The following RPS6KC1 variants were observed in gnomAD, a reference collection of about 807,000 sequenced individuals.
RPS6KC1 encodes inactive ribosomal protein S6 kinase delta-1.
A neutral mutation model predicts 103.8 loss-of-function variants in RPS6KC1; 54 were observed. That is an observed-to-expected ratio of 0.52 (90% CI 0.42 to 0.65). The LOEUF (loss-of-function observed/expected upper bound fraction) is 0.65. Among genes scored for constraint, RPS6KC1 ranks in the 30% least tolerant of loss-of-function variants. The probability of loss-of-function intolerance (pLI) is 0.00; values close to 1 mark genes in which losing one functional copy is unlikely to be tolerated. For missense variants in RPS6KC1, 1,151 were observed against 1,253.8 expected (o/e 0.92, Z 1.24); for synonymous variants, 439 against 438.7 (o/e 1.00, Z -0.01).
the RPS6KC1 span, among the ~76,000 whole-genome samples, chr1:213,769,744 C>T: frequency 4.6e-5 from 7 of 152,102 alleles, no homozygotes; most frequent in Non-Finnish European, 7.3e-5. Flanking sequence ...ATGACAGGCA[C>T]TCAGCAGTGC....
the RPS6KC1 span, among the ~76,000 whole-genome samples, chr1:213,712,217 G>A: frequency 6.6e-6 from 1 of 152,240 alleles, no homozygotes; most frequent in Non-Finnish European, 1.5e-5. Context: ...CCTGCCCAGA[G>A]AGGAGGAGTT....
At chr1:213,534,951 C>T in the RPS6KC1 span, among the ~76,000 whole-genome samples, 40 of 152,118 alleles carry the variant, frequency 2.6e-4, no homozygotes, top group Non-Finnish European at 4.4e-4. Context: ...GTTAATCCTA[C>T]GATTAAGTTC....
At chr1:213,266,283 A>G (rs2094909967) in intron 14 of RPS6KC1, among the ~76,000 whole-genome samples, 1 of 152,250 alleles carries the variant, frequency 6.6e-6, no homozygotes, top group African/African-American at 2.4e-5. Context: ...TAATTGAATT[A>G]TGAATGAAAG....
At chr1:213,520,093 C>T in the RPS6KC1 span, among the ~76,000 whole-genome samples, 1 of 152,164 alleles carries the variant, frequency 6.6e-6, no homozygotes, top group Non-Finnish European at 1.5e-5. Flanking sequence ...AAACTCTGTT[C>T]TATTCCATTA....
chr1:213,152,506 GC>G (rs2089286277), intron 6 of RPS6KC1, among the ~76,000 whole-genome samples: 1 of 147,706 alleles, frequency 6.8e-6, no homozygotes, highest in Non-Finnish European at 1.5e-5. Flanking sequence ...GGGCGGAGGG[GC>G]TCCTCACTTC....
In RPS6KC1 at chr1:213,223,410, C is replaced by T. The variant is rs545518473; in HGVS notation, c.1045-7087C>T. On this transcript the variant is annotated intron_variant, in intron 8 of 14. Transcript: ENST00000366960. ...CCTGAAGTCCATTATATCACTCTTA[C>T]GCCTTTGCATCCTCATAGCTTAGCT... 7.2e-5 allele frequency among the ~76,000 whole-genome samples: 11 copies of T among 152,150 alleles called. No homozygotes were observed. The East Asian group carries it at 7.7e-4, about 11-fold the overall frequency.
At chr1:213,439,700 T>C in the RPS6KC1 span, among the ~76,000 whole-genome samples, 1 of 152,180 alleles carries the variant, frequency 6.6e-6, no homozygotes. Context: ...AGTTTCATTA[T>C]TATGAACCCT....
the RPS6KC1 span, among the ~76,000 whole-genome samples, chr1:213,387,145 C>A: frequency 6.6e-6 from 1 of 152,208 alleles, no homozygotes; most frequent in Non-Finnish European, 1.5e-5. Flanking sequence ...TGAAGAGGAT[C>A]TAGAGAGTTA....
the RPS6KC1 span, among the ~76,000 whole-genome samples, chr1:213,752,036 C>T: frequency 6.6e-6 from 1 of 152,106 alleles, no homozygotes; most frequent in African/African-American, 2.4e-5. Flanking sequence ...ATATCTAACC[C>T]TTTGGGTTAT....
the RPS6KC1 span, among the ~76,000 whole-genome samples, chr1:213,822,915 G>T: frequency 3.7e-4 from 57 of 152,196 alleles, no homozygotes; most frequent in African/African-American, 1.3e-3. Flanking sequence ...TATCTTTACA[G>T]CAGTCAGAGT....
chr1:213,493,073 T>C, the RPS6KC1 span, among the ~76,000 whole-genome samples: 2 of 152,238 alleles, frequency 1.3e-5, no homozygotes, highest in African/African-American at 2.4e-5. Flanking sequence ...ACATTATTTG[T>C]AGTCAGTCAC....
the RPS6KC1 span, among the ~76,000 whole-genome samples, chr1:213,857,142 A>T: frequency 8.5e-5 from 13 of 152,156 alleles, no homozygotes; most frequent in Admixed American, 2.6e-4. Flanking sequence ...AAATTGATTG[A>T]CCCAAAGGAG....
the RPS6KC1 span, among the ~76,000 whole-genome samples, chr1:213,746,039 A>C: frequency 1.3e-5 from 2 of 152,194 alleles, no homozygotes; most frequent in East Asian, 1.9e-4. Flanking sequence ...AGCGCCTACT[A>C]TGTGCCAGGA....
the RPS6KC1 span, among the ~76,000 whole-genome samples, chr1:213,648,984 C>A: frequency 1.3e-5 from 2 of 152,140 alleles, no homozygotes; most frequent in African/African-American, 4.8e-5. Context: ...CTCTTAGGAA[C>A]AAGCACTAGG....
At chr1:213,454,651 A>G in the RPS6KC1 span, among the ~76,000 whole-genome samples, 5 of 152,208 alleles carry the variant, frequency 3.3e-5, no homozygotes, top group Non-Finnish European at 5.9e-5. Flanking sequence ...TTTTTCTGAA[A>G]GAAGCAACTT....
At chr1:213,405,344 G>C in the RPS6KC1 span, among the ~76,000 whole-genome samples, 2 of 152,212 alleles carry the variant, frequency 1.3e-5, no homozygotes, top group Non-Finnish European at 2.9e-5. Flanking sequence ...ACAAAATGTC[G>C]GGTTGGAGCC....
chr1:213,467,267 T>C, the RPS6KC1 span, among the ~76,000 whole-genome samples: 2 of 152,230 alleles, frequency 1.3e-5, no homozygotes, highest in Non-Finnish European at 2.9e-5. Context: ...ACAAAATGGC[T>C]GGTCAGTTTT....
the RPS6KC1 span, among the ~76,000 whole-genome samples, chr1:213,677,224 T>G: frequency 6.6e-6 from 1 of 152,216 alleles, no homozygotes; most frequent in East Asian, 1.9e-4. Context: ...CTCTTGTTAT[T>G]CCCCATTCAA....
chr1:213,716,595 G>T, the RPS6KC1 span, among the ~76,000 whole-genome samples: 3 of 152,258 alleles, frequency 2.0e-5, no homozygotes, highest in South Asian at 6.2e-4. Flanking sequence ...AACAAAAGAT[G>T]TAAACAATAT....
Sources: gnomAD v4.1 joint callset for allele counts (sites outside exome capture counted in the v4.1 genomes callset) on GRCh38, gnomAD v4.1.1 for gene constraint, MANE v1.5 for transcripts, NCBI Gene and HGNC (gene_info 2026-07-23, HGNC 2026-07-21) for gene names.